CHD1: variants seen among roughly 807,000 people sequenced by gnomAD.
CHD1 encodes the protein chromodomain helicase DNA binding protein 1, also known as ATP-dependent chromatin remodeler CHD1.
Under a neutral mutation model 224.2 loss-of-function variants are expected in CHD1, and 36 were observed. The ratio of observed to expected loss-of-function variants is 0.16; its 90% CI spans 0.12 to 0.21. CHD1 has a LOEUF of 0.21. CHD1 is among the 10% of genes least tolerant of loss of function. The probability of loss-of-function intolerance (pLI) is 1.00; values close to 1 mark genes in which losing one functional copy is unlikely to be tolerated. For missense variants in CHD1, 1,378 were observed against 1,994.8 expected, an observed-to-expected ratio of 0.69 and a Z score of 5.89; for synonymous variants, 668 against 658.3, an observed-to-expected ratio of 1.01 and a Z score of -0.23.
intron 2 of CHD1, among the ~76,000 whole-genome samples, chr5:98,916,728 A>G (rs1307899332): frequency 1.3e-5 from 2 of 152,034 alleles, no homozygotes; most frequent in African/African-American, 4.8e-5. Context: ...CTAAGAAAAA[A>G]CTGCCTTTAT....
intron 4 of CHD1, among the ~76,000 whole-genome samples, chr5:98,903,513 T>C (rs1044510068): frequency 2.0e-5 from 3 of 152,198 alleles, no homozygotes; most frequent in Admixed American, 2.0e-4. Context: ...CATATCACAT[T>C]TAATTATTTC....
chr5:98,922,567 C>G (rs949565260), intron 2 of CHD1, among the ~76,000 whole-genome samples: 4 of 151,704 alleles, frequency 2.6e-5, no homozygotes, highest in African/African-American at 9.7e-5. Context: ...TAAACTTTCA[C>G]AAAAGAAAAA....
At chr5:98,898,048 AAG>A (rs1751458713) in intron 10 of CHD1, among the ~76,000 whole-genome samples, 1 of 70,756 alleles carries the variant, frequency 1.4e-5, no homozygotes, top group Non-Finnish European at 2.8e-5. Context: ...CAATTTTTTT[AAG>A]AGAAAGTTTG....
chr5:98,927,641 A>G (rs1753563545), intron 1 of CHD1, among the ~76,000 whole-genome samples: 1 of 152,186 alleles, frequency 6.6e-6, no homozygotes, highest in Non-Finnish European at 1.5e-5. Context: ...TATTAATCTC[A>G]ACCCTAGTCA....
chr5:98,909,953 G>A (rs549814258), intron 2 of CHD1, among the ~76,000 whole-genome samples: 10 of 152,260 alleles, frequency 6.6e-5, no homozygotes, highest in African/African-American at 1.9e-4. Context: ...ATGACAGGAT[G>A]TACCAGGCTC....
rs750263132 is a variant in CHD1 at position 98,901,024 on chromosome 5, A to T, written c.646T>A (p.Ser216Thr). 6.2e-7 allele frequency: 1 copy of T among 1,612,774 alleles called. No homozygotes were observed. Among genetic ancestry groups the T allele is most frequent in the African/African-American group, 1.3e-5 (1 of 74,864 alleles). ...LGQKKRQIDS[S>T]EEDDDEEDYD... ...TCTTCTTCATCATCATCCTCCTCAG[A>T]TGAATCAATCTGTCTCTTTTTTTGT... The change falls in exon 7 of 36, where the codon TCT becomes ACT. Residue 216 changes from serine to threonine, a missense_variant. Ser to Thr is a moderately conservative substitution (Grantham distance 58). Coordinates refer to ENST00000614616, the MANE Select transcript of CHD1 (RefSeq NM_001270.4).
At position 98,871,369 on chromosome 5, in the gene CHD1, C is replaced by CAA. The variant is rs61406690; in HGVS notation, c.3862-568_3862-567dup. ...TTCTCCCAGTGTTTCCCATTTTAGG[C>CAA]AAAAAAAAAAAAAAAAAAAAAAAAA... is the stretch of plus-strand genomic sequence containing the variant. On this transcript the variant is annotated intron_variant, in intron 28 of 35. Coordinates refer to ENST00000614616, the MANE Select transcript of CHD1 (RefSeq NM_001270.4). Among the ~76,000 whole-genome samples, 64 of 46,778 alleles carry CAA rather than the reference C, an allele frequency of 1.4e-3. 9 individuals carry two copies. Among genetic ancestry groups the CAA allele is most frequent in the East Asian group, 8.4e-3 (7 of 836 alleles). 30.7% of individuals were successfully genotyped at this position (46,778 alleles called of 152,430 possible).
At chr5:98,921,907 T>C (rs152034) in intron 2 of CHD1, among the ~76,000 whole-genome samples, 20,885 of 152,188 alleles carry the variant, frequency 0.14, 1,815 homozygotes, top group Middle Eastern at 0.27. Context: ...ATCCCAGCAC[T>C]TTGGGAGGCC....
At chr5:98,865,136 G>A (rs146594955) in intron 31 of CHD1, among the ~76,000 whole-genome samples, 1 of 152,272 alleles carries the variant, frequency 6.6e-6, no homozygotes, top group African/African-American at 2.4e-5. Flanking sequence ...ATGTTTGAGA[G>A]GACACCTAAA....
chr5:98,868,802 G>T, intron 30 of CHD1, 167 bp from the exon 31 acceptor site: 1 of 745,156 alleles, frequency 1.3e-6, no homozygotes, highest in Non-Finnish European at 2.0e-6. Flanking sequence ...ATTTTATTTG[G>T]GGAAACAATC....
chr5:98,879,327 AAC>A (rs944680093), intron 23 of CHD1, among the ~76,000 whole-genome samples: 2 of 151,958 alleles, frequency 1.3e-5, no homozygotes, highest in African/African-American at 2.4e-5. Context: ...TGAAATTAAA[AAC>A]ACACACACAC....
chr5:98,899,092 A>G (rs1001231011), intron 8 of CHD1, among the ~76,000 whole-genome samples: 2 of 152,202 alleles, frequency 1.3e-5, no homozygotes, highest in Admixed American at 6.5e-5. Flanking sequence ...TACAGATACC[A>G]GAATCTGAGG....
At chr5:98,910,499 A>G (rs1752320258) in intron 2 of CHD1, among the ~76,000 whole-genome samples, 1 of 152,054 alleles carries the variant, frequency 6.6e-6, no homozygotes, top group Non-Finnish European at 1.5e-5. Context: ...ATGTTGCTTT[A>G]TTTACTTGGA....
At chr5:98,870,836 TAATA>T (rs779608174) in intron 28 of CHD1, 33 bp from the exon 29 acceptor site, 18 of 1,357,356 alleles carry the variant, frequency 1.3e-5, no homozygotes, top group Non-Finnish European at 1.8e-5. Context: ...CAGATTGTCT[TAATA>T]AATAACATGA....
At position 98,868,566 on chromosome 5, in the gene CHD1, T is replaced by C. The variant is rs370593857; in HGVS notation, c.4177A>G (p.Ile1393Val). 6.2e-6 allele frequency: 10 copies of C among 1,612,618 alleles called. No homozygotes were observed. The highest frequency in any genetic ancestry group is 2.2e-5 in the East Asian group (1 of 44,858). ...KSSVSDAPVH[I>V]TASGEPVPIS... Reference sequence around the variant, plus strand: ...GGAACTGGTTCACCACTTGCCGTGATATGAACTGGAGCATCTGACACTGAA... The same window carrying C: ...GGAACTGGTTCACCACTTGCCGTGACATGAACTGGAGCATCTGACACTGAA... The change falls in exon 31 of 36, where the codon ATC (isoleucine) becomes GTC (valine). Residue 1393 changes from isoleucine to valine, a missense_variant. By Grantham distance (29) the Ile-to-Val change is conservative. This residue lies in a region of CHD1 where 105 missense variants were observed against 93.4 expected (regional missense o/e 1.12). Transcript: ENST00000614616.
chr5:98,889,953 A>C (rs1264031168), intron 15 of CHD1: 1 of 152,266 alleles, frequency 6.6e-6, no homozygotes, highest in Non-Finnish European at 1.5e-5. Context: ...ATTAACACAG[A>C]AACAGAAAAC....
At chr5:98,896,469 G>C (rs369966973) in intron 11 of CHD1, 27 bp from the exon 12 acceptor site, 24 of 1,504,412 alleles carry the variant, frequency 1.6e-5, no homozygotes, top group Non-Finnish European at 2.2e-5. Context: ...AAATTAGCAT[G>C]CAAGGAAATA....
intron 26 of CHD1, 66 bp downstream of exon 26, chr5:98,873,526 GC>G (rs1749522394): frequency 8.2e-7 from 1 of 1,214,780 alleles, no homozygotes; most frequent in African/African-American, 1.6e-5. Flanking sequence ...ATAATATCTA[GC>G]TCAATAAAGC....
Position 98,869,633 on chromosome 5 carries a change from C to T in CHD1, c.4107+121G>A, listed in dbSNP as rs1472044176. The stretch of plus-strand genomic sequence containing the variant: ...GCGCACGTGCGCGCGCACACACACA[C>T]ACACACACACACACACACAGACTTC... On this transcript the variant is annotated intron_variant, in intron 30 of 35. Transcript: ENST00000614616. 5 of 911,462 alleles carry T rather than the reference C, an allele frequency of 5.5e-6. No individual in the cohort carries two copies. The East Asian group carries it at 1.3e-4, about 23-fold the overall frequency. 56.5% of individuals were successfully genotyped at this position (911,462 alleles called of 1,614,324 possible).
Sources: allele counts gnomAD v4.1 joint callset (sites outside exome capture counted in the v4.1 genomes callset), GRCh38; gene constraint gnomAD v4.1.1; regional missense constraint gnomAD v4.1.1; transcripts MANE v1.5; gene names NCBI Gene and HGNC (gene_info 2026-07-23, HGNC 2026-07-21).